The following NT5C2 variants were observed in gnomAD, a reference collection of about 807,000 sequenced individuals.
NT5C2 encodes the protein cytosolic purine 5'-nucleotidase.
Under a neutral mutation model 76.1 loss-of-function variants are expected in NT5C2, and 58 were observed. That is an observed-to-expected ratio of 0.76 (90% CI 0.62 to 0.95). The LOEUF (loss-of-function observed/expected upper bound fraction) is 0.95. Among genes scored for constraint, NT5C2 ranks in the 40% least tolerant of loss-of-function variants. NT5C2 has a pLI of 0.00. For synonymous variants in NT5C2, 229 were observed against 237.4 expected, an observed-to-expected ratio of 0.96 and a Z score of 0.32; for missense variants, 478 against 690.3, an observed-to-expected ratio of 0.69 and a Z score of 3.45.
chr10:103,101,911 A>G (rs1233570151), intron 6 of NT5C2, among the ~76,000 whole-genome samples: 1 of 152,162 alleles, frequency 6.6e-6, no homozygotes, highest in Non-Finnish European at 1.5e-5. Context: ...AACTAGTCCA[A>G]CTTGGGTAGA....
At chr10:103,090,029 A>T (rs2066302937) in intron 18 of NT5C2, 121 bp from the exon 19 acceptor site, 2 of 673,240 alleles carry the variant, frequency 3.0e-6, no homozygotes, top group South Asian at 2.4e-5. Context: ...ACCACAGGAC[A>T]AGTCAATATA....
In NT5C2 at chr10:103,088,726, G is replaced by C. The variant is rs2066014268; in HGVS notation, c.*946C>G. 1 of 178,664 alleles carries C rather than the reference G, an allele frequency of 5.6e-6. No individual in the cohort carries two copies. The highest frequency in any genetic ancestry group is 1.2e-5 in the Non-Finnish European group (1 of 83,314). The allele number at this position is 178,664 out of a possible 1,614,324, so 11.1% of individuals were successfully genotyped here. ...TGAAGTGAATTTATTCACACTGATT[G>C]TGCCCTCTACTTTAGTAAGGTTCTG... On this transcript the variant is annotated 3_prime_UTR_variant, in exon 19 of 19. Transcript: ENST00000404739.
At chr10:103,091,104 G>T in intron 16 of NT5C2, 108 bp from the exon 17 acceptor site, 1 of 925,150 alleles carries the variant, frequency 1.1e-6, no homozygotes, top group Non-Finnish European at 1.7e-6. Flanking sequence ...GTGTGATCGC[G>T]GCTCACTGCA....
intron 4 of NT5C2, among the ~76,000 whole-genome samples, chr10:103,136,625 TA>T (rs1341048262): frequency 2.3e-5 from 3 of 129,798 alleles, no homozygotes; most frequent in East Asian, 2.6e-4. Flanking sequence ...TTCAGTTAAT[TA>T]TTTTTTTTTT....
chr10:103,178,087 T>C (rs1436306100), intron 2 of NT5C2, among the ~76,000 whole-genome samples: 1 of 152,218 alleles, frequency 6.6e-6, no homozygotes, highest in Non-Finnish European at 1.5e-5. Context: ...AGCTCATCCA[T>C]GTAGTATCAC....
At chr10:103,090,494 C>A in intron 18 of NT5C2, 117 bp downstream of exon 18, 1 of 897,944 alleles carries the variant, frequency 1.1e-6, no homozygotes, top group Non-Finnish European at 1.7e-6. Context: ...TAACCTGCCC[C>A]TGGGCTCTGT....
In NT5C2 at chr10:103,130,547, T is replaced by G. The variant is rs1177612660; in HGVS notation, c.175+8859A>C. The stretch of plus-strand genomic sequence containing the variant: ...CTCTGTGAGAAACACCCAAGAATTA[T>G]CAATAAAAAAATAAATTTAAAAAAA... On this transcript the variant is annotated intron_variant, in intron 4 of 18. Transcript: ENST00000404739. 5.1e-5 allele frequency among the ~76,000 whole-genome samples: 4 copies of G among 78,424 alleles called. No homozygotes were observed. In the South Asian group the frequency reaches 1.4e-3, roughly 27 times the overall value. 51.4% of individuals were successfully genotyped at this position (78,424 alleles called of 152,430 possible). A position where few individuals can be genotyped will look rare whatever the true frequency, so the allele number is the denominator to read the frequency against.
At chr10:103,146,973 C>T (rs2081580173) in intron 3 of NT5C2, among the ~76,000 whole-genome samples, 1 of 152,140 alleles carries the variant, frequency 6.6e-6, no homozygotes, top group Admixed American at 6.5e-5. Flanking sequence ...TATTTAGAAA[C>T]TTTTACAGTA....
intron 3 of NT5C2, among the ~76,000 whole-genome samples, chr10:103,159,772 T>C (rs925658465): frequency 1.3e-5 from 2 of 151,990 alleles, no homozygotes; most frequent in African/African-American, 2.4e-5. Flanking sequence ...TCTAAATAAA[T>C]GGAAAGACAT....
At chr10:103,176,707 A>T (rs1338316774) in intron 2 of NT5C2, among the ~76,000 whole-genome samples, 1 of 152,134 alleles carries the variant, frequency 6.6e-6, no homozygotes, top group Non-Finnish European at 1.5e-5. Flanking sequence ...CTCTACAAAA[A>T]GTGTTGGCCA....
At chr10:103,168,934 G>GA (rs1421496128) in intron 3 of NT5C2, among the ~76,000 whole-genome samples, 3 of 152,158 alleles carry the variant, frequency 2.0e-5, no homozygotes, top group African/African-American at 7.2e-5. Context: ...TGTCTTTAAT[G>GA]AAAAGACCTG....
intron 3 of NT5C2, among the ~76,000 whole-genome samples, chr10:103,170,724 G>T (rs2087740979): frequency 6.6e-6 from 1 of 151,092 alleles, no homozygotes; most frequent in African/African-American, 2.4e-5. Context: ...ACAGGGTTTC[G>T]CCATCTTGCC....
intron 3 of NT5C2, among the ~76,000 whole-genome samples, chr10:103,162,427 T>C (rs566975845): frequency 4.7e-4 from 72 of 152,304 alleles, no homozygotes; most frequent in African/African-American, 1.7e-3. Context: ...GAAGAGGATC[T>C]TCTGCAAATG....
At chr10:103,106,130 A>AT (rs2071212779) in intron 5 of NT5C2, among the ~76,000 whole-genome samples, 2 of 152,188 alleles carry the variant, frequency 1.3e-5, no homozygotes, top group Admixed American at 1.3e-4. Flanking sequence ...GAGAAGGCTT[A>AT]TATTTTTCTC....
chr10:103,188,299 A>G (rs1013218406), intron 1 of NT5C2, among the ~76,000 whole-genome samples: 1 of 152,204 alleles, frequency 6.6e-6, no homozygotes, highest in Non-Finnish European at 1.5e-5. Flanking sequence ...TGGAAGTTGC[A>G]GTAAGCAGAG....
intron 3 of NT5C2, among the ~76,000 whole-genome samples, chr10:103,152,155 C>T (rs1256396209): frequency 6.6e-6 from 1 of 152,128 alleles, no homozygotes; most frequent in Non-Finnish European, 1.5e-5. Flanking sequence ...CATACTAGCA[C>T]CTGTGATAGT....
At position 103,174,897 on chromosome 10, in the gene NT5C2, T is replaced by A. The variant is rs1288051491; in HGVS notation, c.62A>T (p.Lys21Met). ...NAADMPANMD[K>M]HALKKYRREA... The stretch of plus-strand genomic sequence containing the variant: ...TCGACGATACTTTTTCAGGGCATGC[T>A]TATCCATGTTAGCAGGCATATCTGC... Residue 21 changes from lysine to methionine, a missense_variant, in exon 3 of 19, where the codon AAG (lysine) becomes ATG (methionine). By Grantham distance (95) the Lys-to-Met change is moderately conservative (BLOSUM62 -1). Coordinates refer to ENST00000404739, the MANE Select transcript of NT5C2 (RefSeq NM_001351169.2). 6.2e-7 allele frequency: 1 copy of A among 1,613,488 alleles called. No individual in the cohort carries two copies. The highest frequency in any genetic ancestry group is 8.5e-7 in the Non-Finnish European group (1 of 1,179,610).
At chr10:103,162,799 TTTA>T (rs886395143) in intron 3 of NT5C2, among the ~76,000 whole-genome samples, 11 of 152,134 alleles carry the variant, frequency 7.2e-5, no homozygotes, top group African/African-American at 2.4e-4. Flanking sequence ...TTACTATTAT[TTTA>T]TTATTACTAA....
At chr10:103,116,433 T>G (rs2074343733) in intron 4 of NT5C2, among the ~76,000 whole-genome samples, 1 of 152,178 alleles carries the variant, frequency 6.6e-6, no homozygotes, top group South Asian at 2.1e-4. Context: ...CATACAGAAT[T>G]ATTTTATTAA....
Sources: gnomAD v4.1 joint callset for allele counts (sites outside exome capture counted in the v4.1 genomes callset) on GRCh38, gnomAD v4.1.1 for gene constraint, MANE v1.5 for transcripts, NCBI Gene and HGNC (gene_info 2026-07-23, HGNC 2026-07-21) for gene names.